MCOLN3: variants seen among roughly 807,000 people sequenced by gnomAD.
The protein encoded by MCOLN3 is mucolipin TRP cation channel 3.
In MCOLN3, 62 loss-of-function variants were observed where a neutral mutation model predicts 69.4. That is an observed-to-expected ratio of 0.89 (90% CI 0.73 to 1.10). The LOEUF (loss-of-function observed/expected upper bound fraction) is 1.10. Ranked by LOEUF, MCOLN3 falls within the 50% of genes least tolerant of loss-of-function variation. MCOLN3 has a pLI of 0.00. For synonymous variants in MCOLN3, 183 were observed against 217.0 expected, an observed-to-expected ratio of 0.84 and a Z score of 1.38; for missense variants, 564 against 656.4, an observed-to-expected ratio of 0.86 and a Z score of 1.54.
rs181489575 is a variant in MCOLN3, at chr1:85,040,796, T to C, written c.396+214A>G. Reference sequence around the variant, plus strand: ...TAATTAAATCTTCAAAGTTTCTGCCTTTCTGTTACTAAACAAAAGCTTTTC... The same window carrying C: ...TAATTAAATCTTCAAAGTTTCTGCCCTTCTGTTACTAAACAAAAGCTTTTC... On this transcript the variant is annotated intron_variant, in intron 3 of 12. Coordinates refer to ENST00000370589, the MANE Select transcript of MCOLN3 (RefSeq NM_018298.11). Among the ~76,000 whole-genome samples, 195 of 152,336 alleles carry C rather than the reference T, an allele frequency of 1.3e-3. 1 individual carries two copies. Among genetic ancestry groups the C allele is most frequent in the African/African-American group, 4.5e-3 (188 of 41,584 alleles).
chr1:85,040,372 T>C (rs1653000160), intron 3 of MCOLN3, among the ~76,000 whole-genome samples: 1 of 152,224 alleles, frequency 6.6e-6, no homozygotes, highest in South Asian at 2.1e-4. Context: ...TAACCCAGTC[T>C]GGGAATGCTG....
intron 4 of MCOLN3, 30 bp downstream of exon 4, chr1:85,034,068 T>C (rs1327536023): frequency 1.2e-6 from 2 of 1,606,808 alleles, no homozygotes; most frequent in South Asian, 1.1e-5. Context: ...GTGTTAAAAA[T>C]TGAGGTTCTA....
chr1:85,025,830 T>C lies in MCOLN3; in HGVS notation c.1095+109A>G, dbSNP rs1363310814. ...TTACCAATTTCAAGTCTACTTGATA[T>C]ACAGTTTGGAAGAAACAATTCATTC... On this transcript the variant is annotated intron_variant, in intron 9 of 12. Transcript: ENST00000370589. The C allele has an allele frequency of 4.4e-6, 5 of 1,132,928 alleles. No homozygotes were observed. The African/African-American group carries it at 4.8e-5, about 11-fold the overall frequency. 70.2% of individuals were successfully genotyped at this position (1,132,928 alleles called of 1,614,324 possible).
At chr1:85,036,992 G>A (rs956323068) in intron 3 of MCOLN3, 24 of 152,126 alleles carry the variant, frequency 1.6e-4, no homozygotes, top group Admixed American at 1.2e-3. Context: ...CACACAGTAG[G>A]TGCTCAAATA....
rs370898996 is a variant in MCOLN3, at chr1:85,026,163, G to A, written c.945+9C>T. On this transcript the variant is annotated intron_variant, in intron 8 of 12. Coordinates refer to ENST00000370589, the MANE Select transcript of MCOLN3 (RefSeq NM_018298.11). Reference sequence around the variant, plus strand: ...GTCAGTAGCATTCCTAGAAAGCAACGTTCCCTACCTGCTGAAGCTGAAGTC... The same window carrying A: ...GTCAGTAGCATTCCTAGAAAGCAACATTCCCTACCTGCTGAAGCTGAAGTC... 6 of 1,613,174 alleles carry A rather than the reference G, an allele frequency of 3.7e-6. No homozygotes were observed. The highest frequency in any genetic ancestry group is 1.7e-5 in the Admixed American group (1 of 59,988).
intron 3 of MCOLN3, among the ~76,000 whole-genome samples, chr1:85,036,348 C>T (rs779995087): frequency 1.3e-5 from 2 of 152,120 alleles, no homozygotes; most frequent in Non-Finnish European, 2.9e-5. Context: ...CATGCTACCA[C>T]ACCCGGCTAA....
chr1:85,026,039 G>A lies in MCOLN3; in HGVS notation c.995C>T (p.Ser332Phe). ...TCCATTGACAAATTCCATTTGATCA[G>A]AAACAGAAACTTCCTTCTTATAATG... ...LLHYKKEVSV[S>F]DQMEFVNGWY... Residue 332 changes from serine (S) to phenylalanine (F), a missense_variant, in exon 9 of 13, where the codon TCT (serine) becomes TTT (phenylalanine). Coordinates refer to ENST00000370589, the MANE Select transcript of MCOLN3 (RefSeq NM_018298.11). 1 of 1,600,870 alleles carries A rather than the reference G, an allele frequency of 6.2e-7. No homozygotes were observed. Among genetic ancestry groups the A allele is most frequent in the Non-Finnish European group, 8.5e-7 (1 of 1,173,502 alleles).
intron 3 of MCOLN3, among the ~76,000 whole-genome samples, chr1:85,040,574 AAAGGCCT>A (rs1653009232): frequency 1.3e-5 from 2 of 152,194 alleles, no homozygotes; most frequent in African/African-American, 4.8e-5. Flanking sequence ...TGTATGACAT[AAAGGCCT>A]TACTTTCAAG....
rs760082663 is a variant in MCOLN3 at position 85,032,728 on chromosome 1, C to A, written c.700G>T (p.Glu234Ter). The A allele has an allele frequency of 2.5e-6, 4 of 1,613,930 alleles. No individual in the cohort carries two copies. The South Asian group carries it at 4.4e-5, about 18-fold the overall frequency. ...AINLQTVRHQELPDCYDFTLT... is the reference protein window; with the variant it reads ...AINLQTVRHQ Reference sequence around the variant, plus strand: ...GTAAAGTCATAACAGTCAGGGAGTTCTTGATGACGAACTGTCTGCAGATTA... The same window carrying A: ...GTAAAGTCATAACAGTCAGGGAGTTATTGATGACGAACTGTCTGCAGATTA... The change falls in exon 6 of 13, where the codon GAA becomes TAA. Residue 234 changes from glutamate to a stop codon, truncating the protein, a stop_gained. Transcript: ENST00000370589. LOFTEE classifies it high-confidence loss of function.
rs184076226 is a variant in MCOLN3, at chr1:85,038,917, C to G, written c.396+2093G>C. 8.8e-3 allele frequency among the ~76,000 whole-genome samples: 1,337 copies of G among 152,118 alleles called. 24 individuals are homozygous for G. The highest frequency in any genetic ancestry group is 0.031 in the African/African-American group (1,282 of 41,492). Reference sequence around the variant, plus strand: ...GGCTGAGATGGGAGAATTGCTTGAGCGCAGGAGGCAGAGGTTGCAGTGAGC... The same window carrying G: ...GGCTGAGATGGGAGAATTGCTTGAGGGCAGGAGGCAGAGGTTGCAGTGAGC... On this transcript the variant is annotated intron_variant, in intron 3 of 12. Coordinates refer to ENST00000370589, the MANE Select transcript of MCOLN3 (RefSeq NM_018298.11).
Position 85,045,497 on chromosome 1 carries a change from A to C in MCOLN3, c.-2-135T>G, listed in dbSNP as rs1571130973. 7.8e-6 allele frequency: 5 copies of C among 641,460 alleles called. No individual in the cohort carries two copies. In the South Asian group the frequency reaches 1.2e-4, roughly 15 times the overall value. 39.7% of individuals were successfully genotyped at this position (641,460 alleles called of 1,614,324 possible). The stretch of plus-strand genomic sequence containing the variant: ...TTTCAAATAAGCACCATTGCTCTAA[A>C]CTGCATTTTAGATGTTTACAGAATC... On this transcript the variant is annotated intron_variant, in intron 1 of 12. Transcript: ENST00000370589.
At chr1:85,040,901 A>G in intron 3 of MCOLN3, 109 bp downstream of exon 3, 1 of 1,007,900 alleles carries the variant, frequency 9.9e-7, no homozygotes, top group Non-Finnish European at 1.4e-6. Context: ...ATTTCCAAGC[A>G]GAAATGTTCA....
intron 2 of MCOLN3, among the ~76,000 whole-genome samples, chr1:85,042,677 A>C (rs748271999): frequency 2.6e-5 from 4 of 152,220 alleles, no homozygotes; most frequent in Non-Finnish European, 4.4e-5. Flanking sequence ...TGGCTGAGAG[A>C]AAACTGCTGT....
intron 3 of MCOLN3, among the ~76,000 whole-genome samples, chr1:85,039,983 C>T (rs1338476130): frequency 6.6e-6 from 1 of 151,840 alleles, no homozygotes; most frequent in African/African-American, 2.4e-5. Context: ...CTGTTTACCT[C>T]TTGCCTCTAT....
At chr1:85,038,845 A>G (rs1046938317) in intron 3 of MCOLN3, among the ~76,000 whole-genome samples, 1 of 152,036 alleles carries the variant, frequency 6.6e-6, no homozygotes, top group Non-Finnish European at 1.5e-5. Flanking sequence ...ACAAAAAAAA[A>G]TTAGCTGGGG....
Position 85,021,090 on chromosome 1 carries a change from CA to C in MCOLN3, c.1506del (p.Asp503IlefsTer37). The C allele has an allele frequency of 6.2e-7, 1 of 1,609,470 alleles. No individual in the cohort carries two copies. The highest frequency in any genetic ancestry group is 8.5e-7 in the Non-Finnish European group (1 of 1,178,088). On this transcript the variant is annotated frameshift_variant, in exon 12 of 13. Coordinates refer to ENST00000370589, the MANE Select transcript of MCOLN3 (RefSeq NM_018298.11). LOFTEE classifies it high-confidence loss of function. Reference protein sequence around the residue: ...MILSLFIALITDTYETIKQYQ... With the variant: ...MILSLFIALIXDTYETIKQYQ... ...CCTACCTTAATTGTTTCGTATGTAT[CA>C]GTGATCAGTGCAATGAAAAGACTTA... is the stretch of plus-strand genomic sequence containing the variant.
chr1:85,023,423 A>G (rs1032275267), intron 9 of MCOLN3: 11 of 152,224 alleles, frequency 7.2e-5, no homozygotes, highest in African/African-American at 2.7e-4. Context: ...GATGTGGGAA[A>G]GAAGAGATTA....
rs999188357 is a variant in MCOLN3, at chr1:85,041,191, A to G, written c.229-14T>C. Reference sequence around the variant, plus strand: ...AAATAAGACCAGCTTAAAAGAAAAAAAAGAAAAGGTAAGAGGGTGGAAAAT... The same window carrying G: ...AAATAAGACCAGCTTAAAAGAAAAAGAAGAAAAGGTAAGAGGGTGGAAAAT... On this transcript the variant is annotated splice_polypyrimidine_tract_variant and intron_variant, in intron 2 of 12. Transcript: ENST00000370589. 5.6e-6 allele frequency: 9 copies of G among 1,608,686 alleles called. No individual in the cohort carries two copies. Among genetic ancestry groups the G allele is most frequent in the Non-Finnish European group, 5.9e-6 (7 of 1,178,002 alleles).
chr1:85,036,121 C>T lies in MCOLN3; in HGVS notation c.397-1870G>A, dbSNP rs530141768. On this transcript the variant is annotated intron_variant, in intron 3 of 12. Coordinates refer to ENST00000370589, the MANE Select transcript of MCOLN3 (RefSeq NM_018298.11). Reference sequence around the variant, plus strand: ...GCTCTTCCAATGAGAATATGACCTCCTTGACTTTATTTGTTCACTGCAGTA... The same window carrying T: ...GCTCTTCCAATGAGAATATGACCTCTTTGACTTTATTTGTTCACTGCAGTA... Among the ~76,000 whole-genome samples, 18 of 152,306 alleles carry T rather than the reference C, an allele frequency of 1.2e-4. No individual in the cohort carries two copies. In the South Asian group the frequency reaches 3.3e-3, roughly 28 times the overall value.
Sources: allele counts gnomAD v4.1 joint callset (sites outside exome capture counted in the v4.1 genomes callset), GRCh38; gene constraint gnomAD v4.1.1; transcripts MANE v1.5; gene names NCBI Gene and HGNC (gene_info 2026-07-23, HGNC 2026-07-21).